Variants in ADGRL2 observed in about 807,000 individuals in gnomAD.
ADGRL2 encodes the protein adhesion G protein-coupled receptor L2.
In ADGRL2, 44 loss-of-function variants were observed where a neutral mutation model predicts 157.4. The observed-to-expected ratio is 0.28, with a 90% CI of 0.22 to 0.36. The LOEUF is 0.36. Among genes scored for constraint, ADGRL2 ranks in the 10% least tolerant of loss-of-function variants. The pLI, the probability that ADGRL2 is intolerant of heterozygous loss-of-function variation, is 1.00. For missense variants in ADGRL2, 1,510 were observed against 1,768.9 expected (o/e 0.85, Z 2.63); for synonymous variants, 585 against 624.7 (o/e 0.94, Z 0.95).
chr1:81,328,520 T>G (rs1301484128), intron 1 of ADGRL2, among the ~76,000 whole-genome samples: 1 of 152,160 alleles, frequency 6.6e-6, no homozygotes, highest in Non-Finnish European at 1.5e-5. Context: ...TTTCTGTCTC[T>G]ACCCTACCCC....
At chr1:81,429,954 C>T (rs566088815) in intron 1 of ADGRL2, among the ~76,000 whole-genome samples, 20 of 152,246 alleles carry the variant, frequency 1.3e-4, no homozygotes, top group African/African-American at 4.3e-4. Context: ...AGGGCAATGG[C>T]GCGATCTTGG....
At chr1:81,336,242 C>T (rs1023726908) in intron 1 of ADGRL2, among the ~76,000 whole-genome samples, 12 of 152,168 alleles carry the variant, frequency 7.9e-5, no homozygotes, top group Non-Finnish European at 1.6e-4. Flanking sequence ...TTTGTGCAAG[C>T]TATAATAATG....
At chr1:81,688,975 C>A (rs1159575690) in intron 3 of ADGRL2, among the ~76,000 whole-genome samples, 2 of 152,136 alleles carry the variant, frequency 1.3e-5, no homozygotes, top group Admixed American at 6.5e-5. Context: ...CTACCCAGCT[C>A]CACGCTGGTA....
chr1:81,738,311 T>C (rs928440966), intron 1 of ADGRL2, among the ~76,000 whole-genome samples: 3 of 152,184 alleles, frequency 2.0e-5, no homozygotes, highest in African/African-American at 4.8e-5. Flanking sequence ...CCTTTTATAA[T>C]GGTTTCTAGT....
intron 1 of ADGRL2, among the ~76,000 whole-genome samples, chr1:81,427,971 T>G: frequency 6.6e-6 from 1 of 152,164 alleles, no homozygotes; most frequent in East Asian, 1.9e-4. Flanking sequence ...GAATAAAAAA[T>G]TAAGGAATTT....
At chr1:81,848,260 T>A (rs2092868690) in intron 2 of ADGRL2, among the ~76,000 whole-genome samples, 1 of 151,892 alleles carries the variant, frequency 6.6e-6, no homozygotes, top group Non-Finnish European at 1.5e-5. Flanking sequence ...TAGCAAATTT[T>A]AAAAATAGAG....
At chr1:81,607,480 G>A (rs766780996) in intron 3 of ADGRL2, among the ~76,000 whole-genome samples, 54 of 152,158 alleles carry the variant, frequency 3.5e-4, no homozygotes, top group Non-Finnish European at 2.1e-4. Flanking sequence ...TTCAGGAAAG[G>A]CTTGTCAAAT....
chr1:81,791,665 T>G (rs954004522), intron 2 of ADGRL2, among the ~76,000 whole-genome samples: 1 of 151,972 alleles, frequency 6.6e-6, no homozygotes, highest in Non-Finnish European at 1.5e-5. Context: ...TAAAAAAAAA[T>G]AGATACATAT....
chr1:81,669,242 G>A (rs895592562), intron 3 of ADGRL2, among the ~76,000 whole-genome samples: 23 of 152,088 alleles, frequency 1.5e-4, no homozygotes, highest in African/African-American at 4.3e-4. Flanking sequence ...AAATTGAGGC[G>A]GATGTGCTTT....
intron 1 of ADGRL2, among the ~76,000 whole-genome samples, chr1:81,804,262 A>G (rs2088776167): frequency 6.6e-6 from 1 of 152,214 alleles, no homozygotes; most frequent in Non-Finnish European, 1.5e-5. Context: ...CATAATAGAA[A>G]GAATACTACA....
At chr1:81,603,959 CTTTTTCTTTTTTTTTT>C (rs920182995) in intron 3 of ADGRL2, among the ~76,000 whole-genome samples, 2 of 134,022 alleles carry the variant, frequency 1.5e-5, no homozygotes, top group African/African-American at 5.7e-5. Flanking sequence ...AGCCCAATAT[CTTTTTCTTTTTTTTTT>C]TTTTTTGAGC....
At chr1:81,964,820 T>C (rs191178234) in intron 11 of ADGRL2, among the ~76,000 whole-genome samples, 4 of 152,210 alleles carry the variant, frequency 2.6e-5, no homozygotes, top group African/African-American at 7.2e-5. Context: ...AGATTATTTT[T>C]AAAATTTCAA....
chr1:81,706,896 G>A (rs1380927515), intron 1 of ADGRL2, among the ~76,000 whole-genome samples: 1 of 152,170 alleles, frequency 6.6e-6, no homozygotes, highest in Non-Finnish European at 1.5e-5. Flanking sequence ...TTCATAGGAA[G>A]AGAAGTCATA....
intron 2 of ADGRL2, among the ~76,000 whole-genome samples, chr1:81,853,203 C>T (rs763446551): frequency 2.6e-5 from 4 of 152,158 alleles, no homozygotes; most frequent in Non-Finnish European, 5.9e-5. Context: ...TTCCCTTCAC[C>T]AGGTGCTGGG....
Position 81,968,290 on chromosome 1 carries a change from G to C in ADGRL2, c.2523+91G>C, listed in dbSNP as rs150776623. 4,467 of 1,109,398 alleles carry C rather than the reference G, an allele frequency of 4.0e-3. 19 individuals carry two copies. Among genetic ancestry groups the C allele is most frequent in the Middle Eastern group, 9.0e-3 (44 of 4,868 alleles). The allele number at this position is 1,109,398 out of a possible 1,614,324, so 68.7% of individuals were successfully genotyped here. ...TAGTCCCATTCTTTGGGTGCTTACC[G>C]TAACTAAAAAGCAAACAAAGTAATG... On this transcript the variant is annotated intron_variant, in intron 14 of 23. Coordinates refer to ENST00000686636, the MANE Select transcript of ADGRL2 (RefSeq NM_001366006.2).
In ADGRL2 at chr1:81,458,213, G is replaced by T. The variant is rs12755366; in HGVS notation, c.-248+13124G>T. Among the ~76,000 whole-genome samples the T allele has an allele frequency of 3.3e-5, 5 of 152,124 alleles. No homozygotes were observed. The South Asian group carries it at 1.0e-3, about 32-fold the overall frequency. On this transcript the variant is annotated intron_variant, in intron 2 of 24. Transcript: ENST00000370721. ...CCAATGGTTGGTAAATATTGTTTGT[G>T]ATGTTTTGTTTATTGTGGTAAGAAT...
rs189431907 is a variant in ADGRL2 at position 81,613,442 on chromosome 1, A to G, written c.-143+32462A>G. Among the ~76,000 whole-genome samples the G allele has an allele frequency of 7.9e-4, 120 of 152,334 alleles. 1 individual carries two copies. The East Asian group carries it at 0.021, about 26-fold the overall frequency. ...CGTAACTGAATCTTGAAGGTCATAT[A>G]GAGATAACCCAGAAGAGAGAAAGAA... is the stretch of plus-strand genomic sequence containing the variant. On this transcript the variant is annotated intron_variant, in intron 3 of 24. Transcript: ENST00000370721.
chr1:81,312,543 G>A (rs1291657466), intron 1 of ADGRL2, among the ~76,000 whole-genome samples: 1 of 152,192 alleles, frequency 6.6e-6, no homozygotes, highest in Non-Finnish European at 1.5e-5. Context: ...GGTAGGTAAA[G>A]GAACTAAACA....
chr1:81,324,651 A>G (rs1000950813), intron 1 of ADGRL2, among the ~76,000 whole-genome samples: 1 of 151,964 alleles, frequency 6.6e-6, no homozygotes, highest in Non-Finnish European at 1.5e-5. Flanking sequence ...ATTGGAAAAG[A>G]AAGTAATATG....
Sources: gnomAD v4.1 joint callset for allele counts (sites outside exome capture counted in the v4.1 genomes callset) on GRCh38, gnomAD v4.1.1 for gene constraint, MANE v1.5 for transcripts, NCBI Gene and HGNC (gene_info 2026-07-23, HGNC 2026-07-21) for gene names.